The following KCNT1 variants were observed in gnomAD, a reference collection of about 807,000 sequenced individuals.
KCNT1 encodes potassium channel subfamily T member 1.
A neutral mutation model predicts 147.8 loss-of-function variants in KCNT1; 78 were observed. That is an observed-to-expected ratio of 0.53 (90% CI 0.44 to 0.64). The LOEUF (loss-of-function observed/expected upper bound fraction) is 0.64, where lower values mean the gene tolerates loss of function less well. KCNT1 is among the 30% of genes least tolerant of loss of function. KCNT1 has a pLI of 0.00. For missense variants in KCNT1, 1,419 were observed against 1,750.3 expected, an observed-to-expected ratio of 0.81 and a Z score of 3.38; for synonymous variants, 867 against 748.8, an observed-to-expected ratio of 1.16 and a Z score of -2.58.
intron 10 of KCNT1, 85 bp from the exon 11 acceptor site, chr9:135,759,594 G>A: frequency 7.0e-7 from 1 of 1,430,430 alleles, no homozygotes; most frequent in Non-Finnish European, 9.4e-7. Context: ...GGCAGTGAGG[G>A]TCCCGTGGGC....
intron 1 of KCNT1, among the ~76,000 whole-genome samples, chr9:135,704,270 G>A (rs919152664): frequency 6.6e-5 from 10 of 152,124 alleles, no homozygotes; most frequent in African/African-American, 2.2e-4. Flanking sequence ...GGTGCTGGAG[G>A]ATGCCAGCCT....
At chr9:135,708,468 C>T (rs1221794612) in intron 1 of KCNT1, among the ~76,000 whole-genome samples, 1 of 152,224 alleles carries the variant, frequency 6.6e-6, no homozygotes, top group Non-Finnish European at 1.5e-5. Context: ...CGCCCAGCTC[C>T]TGGAAATTTT....
intron 2 of KCNT1, among the ~76,000 whole-genome samples, chr9:135,715,382 C>G (rs1588256346): frequency 6.6e-6 from 1 of 152,224 alleles, no homozygotes; most frequent in Non-Finnish European, 1.5e-5. Context: ...TGGGTAAACA[C>G]CCAGCACTTT....
At chr9:135,791,705 C>T (rs992755803) in intron 29 of KCNT1, 92 bp from the exon 30 acceptor site, 3 of 1,092,854 alleles carry the variant, frequency 2.7e-6, no homozygotes, top group African/African-American at 1.5e-5. Flanking sequence ...AAAGACTCAG[C>T]TCATCCTGGA....
intron 2 of KCNT1, among the ~76,000 whole-genome samples, chr9:135,742,293 C>G (rs1002285875): frequency 1.3e-5 from 2 of 152,228 alleles, no homozygotes; most frequent in African/African-American, 4.8e-5. Context: ...TGGAGCTCAC[C>G]GCGCTCGCTT....
intron 1 of KCNT1, among the ~76,000 whole-genome samples, chr9:135,709,805 C>G (rs577598312): frequency 1.3e-5 from 2 of 152,144 alleles, no homozygotes; most frequent in South Asian, 4.1e-4. Context: ...CTCAGCCTCC[C>G]GAGTAGCTGG....
chr9:135,784,443 G>T (rs942142132), intron 25 of KCNT1, 92 bp from the exon 26 acceptor site: 12 of 949,660 alleles, frequency 1.3e-5, no homozygotes, highest in Non-Finnish European at 1.6e-5. Flanking sequence ...GTGGGGTATG[G>T]ACCTGTGTCC....
chr9:135,729,068 C>A (rs1323221614), intron 2 of KCNT1, among the ~76,000 whole-genome samples: 3 of 152,174 alleles, frequency 2.0e-5, no homozygotes. Flanking sequence ...TTCAATAGGA[C>A]TAAGGCCCCT....
chr9:135,712,426 C>T (rs573223702), intron 1 of KCNT1, among the ~76,000 whole-genome samples: 61 of 152,250 alleles, frequency 4.0e-4, no homozygotes, highest in African/African-American at 1.3e-3. Context: ...GGGAGGACAG[C>T]GCAAGAGAAG....
chr9:135,715,746 T>C (rs2131331891), intron 2 of KCNT1, among the ~76,000 whole-genome samples: 1 of 152,354 alleles, frequency 6.6e-6, no homozygotes, highest in South Asian at 2.1e-4. Context: ...TCCTAGGGAC[T>C]GTATCCATGA....
intron 21 of KCNT1, 51 bp downstream of exon 21, chr9:135,777,561 G>A (rs1833256746): frequency 6.6e-7 from 1 of 1,512,296 alleles, no homozygotes. Flanking sequence ...CCTCAGACCT[G>A]CAGCCAGCAG....
At chr9:135,737,409 C>T (rs888714710) in intron 2 of KCNT1, among the ~76,000 whole-genome samples, 10 of 152,118 alleles carry the variant, frequency 6.6e-5, no homozygotes, top group Admixed American at 5.2e-4. Flanking sequence ...GACACCAAGG[C>T]CTCATCTGCA....
At chr9:135,759,989 C>G in intron 11 of KCNT1, 130 bp downstream of exon 11, 1 of 840,176 alleles carries the variant, frequency 1.2e-6, no homozygotes, top group Non-Finnish European at 1.8e-6. Flanking sequence ...TGAGGCCAGG[C>G]GGGTGGTGCC....
chr9:135,772,660 G>A (rs1326589169), intron 18 of KCNT1, 55 bp from the exon 19 acceptor site: 37 of 1,294,070 alleles, frequency 2.9e-5, no homozygotes, highest in Middle Eastern at 2.0e-4. Flanking sequence ...CTGGGAACTC[G>A]CCGCCCATGG....
intron 18 of KCNT1, among the ~76,000 whole-genome samples, chr9:135,771,593 C>T (rs970578735): frequency 2.6e-5 from 4 of 152,210 alleles, no homozygotes; most frequent in Admixed American, 2.6e-4. Context: ...AGTCGGGAGT[C>T]CTGACGTCCA....
intron 11 of KCNT1, among the ~76,000 whole-genome samples, chr9:135,761,295 C>T (rs997307786): frequency 4.6e-5 from 7 of 152,352 alleles, no homozygotes; most frequent in African/African-American, 1.7e-4. Context: ...GGGTTTCACC[C>T]ACCAGGAACC....
intron 24 of KCNT1, among the ~76,000 whole-genome samples, chr9:135,780,153 C>A (rs1833504197): frequency 6.6e-6 from 1 of 152,250 alleles, no homozygotes; most frequent in Admixed American, 6.5e-5. Flanking sequence ...CCACCGCATT[C>A]CCCACCTGCT....
At position 135,768,821 on chromosome 9, in the gene KCNT1, C is replaced by CCCGCCAGGA; in HGVS notation, c.1402-5_1405dup. 1 of 1,607,634 alleles carries CCCGCCAGGA rather than the reference C, an allele frequency of 6.2e-7. No individual in the cohort carries two copies. Among genetic ancestry groups the CCCGCCAGGA allele is most frequent in the Non-Finnish European group, 8.5e-7 (1 of 1,176,834 alleles). ...CCGTCTGCACTGACCAACCACCCAC[C>CCCGCCAGGA]CCGCCAGGACCACCAGACCATCCTG... On this transcript the variant is annotated splice_region_variant and splice_polypyrimidine_tract_variant and intron_variant, in intron 14 of 30. Transcript: ENST00000371757.
chr9:135,703,513 G>A (rs1356027644), intron 1 of KCNT1, among the ~76,000 whole-genome samples: 2 of 152,242 alleles, frequency 1.3e-5, no homozygotes, highest in Non-Finnish European at 2.9e-5. Flanking sequence ...TACAGCGTGT[G>A]TGAGGAGCAG....
Sources: allele counts gnomAD v4.1 joint callset (sites outside exome capture counted in the v4.1 genomes callset), GRCh38; gene constraint gnomAD v4.1.1; transcripts MANE v1.5; gene names NCBI Gene and HGNC (gene_info 2026-07-23, HGNC 2026-07-21).